Variants in USP34 observed in about 807,000 individuals in gnomAD.
The protein encoded by USP34 is ubiquitin specific peptidase 34, also known as ubiquitin carboxyl-terminal hydrolase 34.
Under a neutral mutation model 460.3 loss-of-function variants are expected in USP34, and 70 were observed. That is an observed-to-expected ratio of 0.15 (90% CI 0.13 to 0.19). The LOEUF (loss-of-function observed/expected upper bound fraction) is 0.19. Among genes scored for constraint, USP34 ranks in the 10% least tolerant of loss-of-function variants. USP34 has a pLI of 1.00. For synonymous variants in USP34, 1,647 were observed against 1,405.3 expected (o/e 1.17, Z -3.85); for missense variants, 3,985 against 4,236.2 (o/e 0.94, Z 1.65).
intron 10 of USP34, among the ~76,000 whole-genome samples, chr2:61,355,789 T>G (rs1430109441): frequency 6.6e-6 from 1 of 152,170 alleles, no homozygotes; most frequent in African/African-American, 2.4e-5. Flanking sequence ...TGTAAATGGT[T>G]TAACTCTCCA....
At chr2:61,375,247 A>G (rs1210667183) in intron 8 of USP34, among the ~76,000 whole-genome samples, 1 of 152,146 alleles carries the variant, frequency 6.6e-6, no homozygotes, top group Non-Finnish European at 1.5e-5. Context: ...GATAATAACA[A>G]CTGCTGGCAA....
At chr2:61,463,849 C>G (rs1045292132) in intron 1 of USP34, among the ~76,000 whole-genome samples, 5 of 150,006 alleles carry the variant, frequency 3.3e-5, no homozygotes, top group African/African-American at 1.2e-4. Context: ...AAAAAAAAAA[C>G]TCTTAGCCTA....
In USP34 at chr2:61,327,346, G is replaced by A. The variant is rs547063269; in HGVS notation, c.2931-1889C>T. 1.2e-4 allele frequency among the ~76,000 whole-genome samples: 19 copies of A among 152,240 alleles called. No individual in the cohort carries two copies. In the East Asian group the frequency reaches 3.7e-3, roughly 29 times the overall value. On this transcript the variant is annotated intron_variant, in intron 20 of 79. Transcript: ENST00000398571. ...GAAAATACATATGACGAGATGTAGG[G>A]GAGAGGAAATCTGATAAGCAACTCT... is the stretch of plus-strand genomic sequence containing the variant.
Position 61,208,906 on chromosome 2 carries a change from A to G in USP34, c.8912T>C (p.Met2971Thr). Reference protein sequence around the residue: ...LVVFNRGLILMTESFNTLHMM... With the variant: ...LVVFNRGLILTTESFNTLHMM... ...ATGCAATAGAATATTTACCTCTGTC[A>G]TTAGAATCAATCCTCGATTAAATAC... The change falls in exon 70 of 80, where the codon ATG (methionine) becomes ACG (threonine). Residue 2971 changes from methionine (M) to threonine (T), a missense_variant. Around this residue, in one of 14 missense-constraint regions of USP34, gnomAD observed 275 missense variants for 292.7 expected, o/e 0.94. Coordinates refer to ENST00000398571, the MANE Select transcript of USP34 (RefSeq NM_014709.4). 1 of 1,592,066 alleles carries G rather than the reference A, an allele frequency of 6.3e-7. No individual in the cohort carries two copies. The highest frequency in any genetic ancestry group is 1.2e-5 in the South Asian group (1 of 86,074).
intron 34 of USP34, among the ~76,000 whole-genome samples, chr2:61,285,844 A>G (rs895487829): frequency 5.3e-5 from 8 of 152,204 alleles, no homozygotes; most frequent in African/African-American, 1.7e-4. Context: ...TGATCCTAAT[A>G]TATTTGGAAT....
chr2:61,204,186 A>G (rs1687052641), intron 74 of USP34, 70 bp downstream of exon 74: 2 of 1,600,118 alleles, frequency 1.2e-6, no homozygotes, highest in African/African-American at 1.3e-5. Context: ...CCTATTCATA[A>G]CTGCCAGGGG....
In USP34 at chr2:61,267,927, T is replaced by C. The variant is rs1046660250; in HGVS notation, c.5434-1760A>G. 2.6e-5 allele frequency among the ~76,000 whole-genome samples: 4 copies of C among 152,142 alleles called. No homozygotes were observed. The South Asian group carries it at 6.2e-4, about 24-fold the overall frequency. On this transcript the variant is annotated intron_variant, in intron 41 of 79. Coordinates refer to ENST00000398571, the MANE Select transcript of USP34 (RefSeq NM_014709.4). ...GAGCCACCGCACCCAGTTAATTTTT[T>C]GTATTTTTAGTAGAGATGGGGTTTC... is the stretch of plus-strand genomic sequence containing the variant.
rs1384579595 is a variant in USP34 at position 61,188,227 on chromosome 2, G to A, written c.10516C>T (p.His3506Tyr). ...ATATGACTAAAGAGTCCTCTGGAAT[G>A]GCCACAACTGAGAGATAAAGCAACC... ...PEVALSLSCGHSRGLFSHMQQ... is the reference protein window; with the variant it reads ...PEVALSLSCGYSRGLFSHMQQ... Residue 3506 changes from histidine to tyrosine, a missense_variant, in exon 80 of 80, where the codon CAT (histidine) becomes TAT (tyrosine). By Grantham distance (83) the His-to-Tyr change is moderately conservative. Transcript: ENST00000398571. The A allele has an allele frequency of 1.2e-6, 2 of 1,613,992 alleles. No homozygotes were observed. The highest frequency in any genetic ancestry group is 1.1e-5 in the South Asian group (1 of 91,078).
intron 57 of USP34, among the ~76,000 whole-genome samples, chr2:61,235,359 C>T (rs891024704): frequency 1.4e-5 from 2 of 138,436 alleles, no homozygotes; most frequent in Non-Finnish European, 3.0e-5. Context: ...TGGAGTCTCA[C>T]TGTGTCGTCA....
intron 1 of USP34, among the ~76,000 whole-genome samples, chr2:61,440,518 A>T (rs551036149): frequency 5.7e-5 from 8 of 140,358 alleles, no homozygotes; most frequent in South Asian, 2.3e-4. Context: ...CCCTTTTTAA[A>T]TTTTTTTTTT....
intron 1 of USP34, among the ~76,000 whole-genome samples, chr2:61,458,892 C>A (rs1372250976): frequency 6.6e-6 from 1 of 151,796 alleles, no homozygotes; most frequent in African/African-American, 2.4e-5. Flanking sequence ...ATGGTGAAAC[C>A]CCATTCCTAC....
In USP34 at chr2:61,188,128, C is replaced by T; in HGVS notation, c.10615G>A (p.Gly3539Ser). ...STIHVVTRIS[G>S]KGNQAAS ...CAAGAAGCAGCTTGGTTTCCTTTGC[C>T]AGATATCCTTGTGACGACATGGATT... Residue 3539 changes from glycine (G) to serine (S), a missense_variant, in exon 80 of 80, where the codon GGC (glycine) becomes AGC (serine). By Grantham distance (56) the Gly-to-Ser change is moderately conservative. Around this residue, in one of 14 missense-constraint regions of USP34, gnomAD observed 506 missense variants for 439.0 expected, o/e 1.15. Coordinates refer to ENST00000398571, the MANE Select transcript of USP34 (RefSeq NM_014709.4). The T allele has an allele frequency of 6.2e-7, 1 of 1,613,336 alleles. No homozygotes were observed. The highest frequency in any genetic ancestry group is 1.7e-4 in the Middle Eastern group (1 of 6,054).
At chr2:61,282,691 G>A (rs1689569397) in intron 37 of USP34, among the ~76,000 whole-genome samples, 2 of 152,112 alleles carry the variant, frequency 1.3e-5, no homozygotes, top group South Asian at 2.1e-4. Context: ...TTGGGAGGCT[G>A]AAGCCAGAGG....
rs201385955 is a variant in USP34 at position 61,294,345 on chromosome 2, C to CA, written c.4461+603dup. Among the ~76,000 whole-genome samples, 92 of 134,738 alleles carry CA rather than the reference C, an allele frequency of 6.8e-4. No homozygotes were observed. In the East Asian group the frequency reaches 8.2e-3, roughly 12 times the overall value. 88.4% of individuals were successfully genotyped at this position (134,738 alleles called of 152,430 possible). On this transcript the variant is annotated intron_variant, in intron 32 of 79. Coordinates refer to ENST00000398571, the MANE Select transcript of USP34 (RefSeq NM_014709.4). Reference sequence around the variant, plus strand: ...TGGGTGACAGAGCGAGACTCCATTTCAAAAAAAAAAAATTTATACACACAC... The same window carrying CA: ...TGGGTGACAGAGCGAGACTCCATTTCAAAAAAAAAAAAATTTATACACACAC...
At position 61,424,044 on chromosome 2, in the gene USP34, A is replaced by G. The variant is rs1041365662; in HGVS notation, c.44-3211T>C. 2.0e-5 allele frequency among the ~76,000 whole-genome samples: 3 copies of G among 152,222 alleles called. No individual in the cohort carries two copies. In the East Asian group the frequency reaches 5.8e-4, roughly 29 times the overall value. ...TGTGTACTCTTGCTGGGAATATAAA[A>G]TGTTACAGCTGCTGTGGAAAACAGT... On this transcript the variant is annotated intron_variant, in intron 1 of 79. Transcript: ENST00000398571.
At chr2:61,446,026 T>C (rs754811119) in intron 1 of USP34, among the ~76,000 whole-genome samples, 1 of 142,266 alleles carries the variant, frequency 7.0e-6, no homozygotes, top group Non-Finnish European at 1.5e-5. Flanking sequence ...GGCAGGAGAA[T>C]CACCTGAACC....
chr2:61,384,629 C>T (rs761815084), intron 5 of USP34, among the ~76,000 whole-genome samples: 3 of 151,990 alleles, frequency 2.0e-5, no homozygotes, highest in South Asian at 4.1e-4. Context: ...GCCAGGATCG[C>T]GTCACTGTAC....
At chr2:61,443,278 A>G (rs1277872362) in intron 1 of USP34, among the ~76,000 whole-genome samples, 1 of 152,150 alleles carries the variant, frequency 6.6e-6, no homozygotes, top group African/African-American at 2.4e-5. Context: ...AAATAGCTAC[A>G]AAGAGGCCAC....
chr2:61,223,576 T>A, intron 62 of USP34: 1 of 264,332 alleles, frequency 3.8e-6, no homozygotes, highest in Non-Finnish European at 7.1e-6. Context: ...TTACTTACTT[T>A]TTTTTTTTTT....
Sources: allele counts gnomAD v4.1 joint callset (sites outside exome capture counted in the v4.1 genomes callset), GRCh38; gene constraint gnomAD v4.1.1; regional missense constraint gnomAD v4.1.1; transcripts MANE v1.5; gene names NCBI Gene and HGNC (gene_info 2026-07-23, HGNC 2026-07-21).